Variants in COL22A1 observed in about 807,000 individuals in gnomAD.
COL22A1 encodes the protein collagen alpha-1(XXII) chain.
In COL22A1, 221 loss-of-function variants were observed where a neutral mutation model predicts 248.9. The ratio of observed to expected loss-of-function variants is 0.89; its 90% CI spans 0.80 to 0.99. The LOEUF is 0.99. COL22A1 is among the 50% of genes least tolerant of loss of function. COL22A1 has a pLI of 0.00. For synonymous variants in COL22A1, 891 were observed against 793.4 expected (o/e 1.12, Z -2.07); for missense variants, 2,240 against 2,179.0 (o/e 1.03, Z -0.56).
At chr8:138,609,443 G>A (rs1187105633) in intron 56 of COL22A1, among the ~76,000 whole-genome samples, 1 of 152,180 alleles carries the variant, frequency 6.6e-6, no homozygotes, top group African/African-American at 2.4e-5. Context: ...GAATCATGCA[G>A]CACAGACGTC....
chr8:138,866,027 G>T (rs1479688287), intron 3 of COL22A1, among the ~76,000 whole-genome samples: 1 of 152,142 alleles, frequency 6.6e-6, no homozygotes, highest in Non-Finnish European at 1.5e-5. Flanking sequence ...CTCTGTGTGT[G>T]TGTGTGTTTG....
chr8:138,783,765 G>C (rs1815259004), intron 12 of COL22A1, among the ~76,000 whole-genome samples: 1 of 152,092 alleles, frequency 6.6e-6, no homozygotes, highest in Admixed American at 6.5e-5. Flanking sequence ...AAGGAAATGG[G>C]GATTCTTTGA....
Position 138,737,524 on chromosome 8 carries a change from C to T in COL22A1, c.2139G>A (p.Gln713=). 6.2e-7 allele frequency: 1 copy of T among 1,605,540 alleles called. No individual in the cohort carries two copies. ...GGAAGAGAATGTAAAAGGTAGTTACCTGCAGCCCCAGCAATCCAGGGATTC... is the reference window on the plus strand; with the variant it reads ...GGAAGAGAATGTAAAAGGTAGTTACTTGCAGCCCCAGCAATCCAGGGATTC... ...PPGIPGLLGL[Q]GPPGPPGVPG... Residue 713 remains glutamine, a splice_region_variant and synonymous_variant, in exon 23 of 65, where the codon CAG becomes CAA. Transcript: ENST00000303045.
At chr8:138,719,106 C>G (rs772777050) in intron 27 of COL22A1, among the ~76,000 whole-genome samples, 15 of 152,186 alleles carry the variant, frequency 9.9e-5, no homozygotes, top group African/African-American at 3.6e-4. Context: ...AAGTCAAGAA[C>G]AGCAAACCTA....
intron 52 of COL22A1, among the ~76,000 whole-genome samples, chr8:138,623,259 TTTATGTGTG>T (rs1564109167): frequency 1.9e-4 from 12 of 64,290 alleles, no homozygotes; most frequent in African/African-American, 6.9e-4. Context: ...TATATATATA[TTTATGTGTG>T]TGTGTGTGTG....
At chr8:138,874,283 A>G (rs940302586) in intron 3 of COL22A1, among the ~76,000 whole-genome samples, 2 of 152,188 alleles carry the variant, frequency 1.3e-5, no homozygotes, top group Non-Finnish European at 2.9e-5. Flanking sequence ...CCCTGTCTTC[A>G]CAGAATCCAT....
intron 3 of COL22A1, among the ~76,000 whole-genome samples, chr8:138,861,964 A>C (rs1166930730): frequency 6.7e-6 from 1 of 149,712 alleles, no homozygotes; most frequent in Non-Finnish European, 1.5e-5. Flanking sequence ...CGAGGCGGGC[A>C]GATCACTTGA....
At position 138,715,716 on chromosome 8, in the gene COL22A1, C is replaced by T; in HGVS notation, c.2483G>A (p.Gly828Glu). The change falls in exon 30 of 65, where the codon GGA becomes GAA. Residue 828 changes from glycine (G) to glutamate (E), a missense_variant. Coordinates refer to ENST00000303045, the MANE Select transcript of COL22A1 (RefSeq NM_152888.3). Reference protein sequence around the residue: ...KGDQGEKGELGLPGLKGDRGE... With the variant: ...KGDQGEKGELELPGLKGDRGE... ...TCGGTCACCTTTCAGTCCTGGAAGTCCCAGTTCACCTTTTTCTCCCTATAA... is the reference window on the plus strand; with the variant it reads ...TCGGTCACCTTTCAGTCCTGGAAGTTCCAGTTCACCTTTTTCTCCCTATAA... The T allele has an allele frequency of 6.2e-7, 1 of 1,612,450 alleles. No homozygotes were observed. Among genetic ancestry groups the T allele is most frequent in the Non-Finnish European group, 8.5e-7 (1 of 1,178,892 alleles).
intron 4 of COL22A1, among the ~76,000 whole-genome samples, chr8:138,836,407 G>C (rs1019581665): frequency 1.3e-5 from 2 of 152,234 alleles, no homozygotes; most frequent in African/African-American, 4.8e-5. Flanking sequence ...AATACATTCT[G>C]ACTCTACTAT....
At chr8:138,891,276 C>A (rs967747818) in intron 1 of COL22A1, among the ~76,000 whole-genome samples, 1 of 152,128 alleles carries the variant, frequency 6.6e-6, no homozygotes, top group African/African-American at 2.4e-5. Flanking sequence ...TGAAAATGTT[C>A]TAGAAATAGA....
intron 3 of COL22A1, among the ~76,000 whole-genome samples, chr8:138,847,799 TAAA>T (rs11326722): frequency 2.1e-5 from 3 of 139,918 alleles, no homozygotes; most frequent in African/African-American, 5.2e-5. Flanking sequence ...GGCATAAGAT[TAAA>T]AAAAAAAAAA....
At position 138,847,429 on chromosome 8, in the gene COL22A1, C is replaced by A. The variant is rs988039314; in HGVS notation, c.659-3271G>T. Among the ~76,000 whole-genome samples, 7 of 152,278 alleles carry A rather than the reference C, an allele frequency of 4.6e-5. No homozygotes were observed. In the East Asian group the frequency reaches 9.7e-4, roughly 21 times the overall value. On this transcript the variant is annotated intron_variant, in intron 3 of 64. Coordinates refer to ENST00000303045, the MANE Select transcript of COL22A1 (RefSeq NM_152888.3). ...ATATCCATTTCCCACTTCTTTGTTG[C>A]TAAATAATGCCACCTTAGTTCAGAA...
chr8:138,630,423 G>A (rs4458882), intron 50 of COL22A1, among the ~76,000 whole-genome samples: 31,978 of 152,098 alleles, frequency 0.21, 5,209 homozygotes, highest in African/African-American at 0.45. Flanking sequence ...TAAATGTAGG[G>A]CTTATTTGCA....
chr8:138,755,723 C>T, intron 19 of COL22A1, 62 bp downstream of exon 19: 1 of 1,540,628 alleles, frequency 6.5e-7, no homozygotes, highest in Non-Finnish European at 9.0e-7. Context: ...GAGGTGAAGA[C>T]TCATCCAACC....
At chr8:138,781,059 G>A (rs1277768087) in intron 12 of COL22A1, 79 bp from the exon 13 acceptor site, 5 of 1,018,562 alleles carry the variant, frequency 4.9e-6, no homozygotes, top group African/African-American at 1.6e-5. Context: ...AGTGGAGAAC[G>A]TGCCAGGAAG....
At chr8:138,873,331 T>G (rs1167373920) in intron 3 of COL22A1, among the ~76,000 whole-genome samples, 1 of 152,188 alleles carries the variant, frequency 6.6e-6, no homozygotes, top group Non-Finnish European at 1.5e-5. Context: ...TGTTCTTATA[T>G]TCTTTTCTTT....
intron 52 of COL22A1, among the ~76,000 whole-genome samples, chr8:138,621,490 T>C (rs1819797774): frequency 6.6e-6 from 1 of 152,146 alleles, no homozygotes; most frequent in Non-Finnish European, 1.5e-5. Context: ...AGGCATTGAG[T>C]AAACAGACTG....
chr8:138,756,899 C>A (rs1171025431), intron 18 of COL22A1, among the ~76,000 whole-genome samples: 3 of 152,180 alleles, frequency 2.0e-5, no homozygotes, highest in Admixed American at 1.3e-4. Flanking sequence ...AAATCCCGAT[C>A]CATCATGTTT....
intron 23 of COL22A1, among the ~76,000 whole-genome samples, chr8:138,730,549 T>A (rs1028525206): frequency 6.6e-6 from 1 of 152,146 alleles, no homozygotes; most frequent in Non-Finnish European, 1.5e-5. Flanking sequence ...CAGGGTTATA[T>A]TTTGAGCAGC....
Sources: gnomAD v4.1 joint callset for allele counts (sites outside exome capture counted in the v4.1 genomes callset) on GRCh38, gnomAD v4.1.1 for gene constraint, MANE v1.5 for transcripts, NCBI Gene and HGNC (gene_info 2026-07-23, HGNC 2026-07-21) for gene names.